PRKD3: variants seen among roughly 807,000 people sequenced by gnomAD.
PRKD3 encodes protein kinase D3, also known as serine/threonine-protein kinase D3.
Under a neutral mutation model 99.2 loss-of-function variants are expected in PRKD3, and 47 were observed. The observed-to-expected ratio is 0.47, with a 90% CI of 0.38 to 0.60. PRKD3 has a LOEUF of 0.60. PRKD3 is among the 20% of genes least tolerant of loss of function. The pLI is 0.00. For synonymous variants in PRKD3, 392 were observed against 355.4 expected, an observed-to-expected ratio of 1.10 and a Z score of -1.16; for missense variants, 1,019 against 1,088.4, an observed-to-expected ratio of 0.94 and a Z score of 0.90.
chr2:37,288,542 C>G (rs1670228731), intron 5 of PRKD3, among the ~76,000 whole-genome samples: 1 of 152,128 alleles, frequency 6.6e-6, no homozygotes. Context: ...AGATTACAAC[C>G]TACAGATGGA....
chr2:37,308,546 C>G (rs977666209), intron 2 of PRKD3, among the ~76,000 whole-genome samples: 1 of 150,338 alleles, frequency 6.7e-6, no homozygotes, highest in East Asian at 2.0e-4. Flanking sequence ...CCTCCCCACC[C>G]AGAGTTCAAG....
At chr2:37,320,423 CTTTTTTTTTTTTTTTT>C (rs35158902) in intron 1 of PRKD3, among the ~76,000 whole-genome samples, 1 of 78,126 alleles carries the variant, frequency 1.3e-5, no homozygotes, top group Non-Finnish European at 2.3e-5. Context: ...AAGTTAACGA[CTTTTTTTTTTTTTTTT>C]TTTTTTTTTT....
At chr2:37,254,350 G>A (rs1306312224) in intron 17 of PRKD3, 61 bp from the exon 18 acceptor site, 1 of 1,325,920 alleles carries the variant, frequency 7.5e-7, no homozygotes, top group East Asian at 2.3e-5. Flanking sequence ...CCAAACTTGT[G>A]ACTGCCTAGA....
At position 37,286,245 on chromosome 2, in the gene PRKD3, C is replaced by T. The variant is rs765635743; in HGVS notation, c.842G>A (p.Arg281His). Residue 281 changes from arginine to histidine, a missense_variant, in exon 6 of 19, where the codon CGT (arginine) becomes CAT (histidine). Coordinates refer to ENST00000234179, the MANE Select transcript of PRKD3 (RefSeq NM_005813.6). The part of the protein sequence containing the change: ...PHTFAVHSYT[R>H]PTICQYCKRL... ...CTTGCAGTACTGACATATCGTGGGA[C>T]GGGTGTAAGAGTGAACAGCAAATGT... The T allele has an allele frequency of 6.8e-6, 11 of 1,614,006 alleles. No individual in the cohort carries two copies. The highest frequency in any genetic ancestry group is 1.1e-5 in the South Asian group (1 of 91,088).
chr2:37,260,235 G>A lies in PRKD3; in HGVS notation c.2034C>T (p.Phe678=), dbSNP rs778005345. 1.2e-6 allele frequency: 2 copies of A among 1,607,456 alleles called. No homozygotes were observed. The highest frequency in any genetic ancestry group is 1.1e-5 in the South Asian group (1 of 90,440). The change falls in exon 15 of 19, where the codon TTC becomes TTT. Residue 678 remains phenylalanine, a synonymous_variant. Transcript: ENST00000234179. ...KSRLPERITK[F]MVTQILVALR... ...GGAGTTAAAATACCTGTGTGACCAT[G>A]AATTTAGTAATTCGTTCTGGAAGCC...
chr2:37,287,145 G>A (rs1207277141), intron 5 of PRKD3, among the ~76,000 whole-genome samples: 2 of 142,654 alleles, frequency 1.4e-5, no homozygotes, highest in Admixed American at 7.5e-5. Flanking sequence ...CAGAAGAATC[G>A]CTTGAACCCA....
In PRKD3 at chr2:37,250,877, A is replaced by T. The variant is rs1276988735; in HGVS notation, c.*2300T>A. On this transcript the variant is annotated 3_prime_UTR_variant, in exon 19 of 19. Coordinates refer to ENST00000234179, the MANE Select transcript of PRKD3 (RefSeq NM_005813.6). ...TTTACAAACACGACTTAAAGACAAA[A>T]AGTTATGCAGGTTATACAGTATCTG... 6.6e-6 allele frequency: 1 copy of T among 152,624 alleles called. No homozygotes were observed. Among genetic ancestry groups the T allele is most frequent in the Non-Finnish European group, 1.5e-5 (1 of 68,024 alleles). The allele number at this position is 152,624 out of a possible 1,614,324, so 9.5% of individuals were successfully genotyped here.
At chr2:37,318,660 T>C (rs1186262481) in intron 1 of PRKD3, among the ~76,000 whole-genome samples, 1 of 152,208 alleles carries the variant, frequency 6.6e-6, no homozygotes, top group Non-Finnish European at 1.5e-5. Flanking sequence ...CAGAAAGGCA[T>C]TGAGAACTGA....
At chr2:37,305,079 C>A (rs1671098105) in intron 2 of PRKD3, among the ~76,000 whole-genome samples, 1 of 151,882 alleles carries the variant, frequency 6.6e-6, no homozygotes, top group Non-Finnish European at 1.5e-5. Flanking sequence ...GCTGCTGCAA[C>A]ACAGCTGTAG....
At chr2:37,304,633 T>G (rs1440752181) in intron 2 of PRKD3, among the ~76,000 whole-genome samples, 6 of 151,628 alleles carry the variant, frequency 4.0e-5, no homozygotes, top group Non-Finnish European at 1.5e-5. Flanking sequence ...TCCCAGCTAC[T>G]TGGGAGGCTG....
At chr2:37,318,975 C>T (rs1282258621) in intron 1 of PRKD3, among the ~76,000 whole-genome samples, 3 of 152,110 alleles carry the variant, frequency 2.0e-5, no homozygotes, top group African/African-American at 7.2e-5. Flanking sequence ...TAGAAGTCAA[C>T]CACATTTACA....
chr2:37,311,523 A>C (rs1040788837), intron 2 of PRKD3, among the ~76,000 whole-genome samples: 8 of 152,178 alleles, frequency 5.3e-5, no homozygotes, highest in Non-Finnish European at 1.2e-4. Context: ...CAGGTGTAGG[A>C]TAATTGTATA....
chr2:37,311,726 T>C (rs942528030), intron 2 of PRKD3, among the ~76,000 whole-genome samples: 6 of 152,192 alleles, frequency 3.9e-5, no homozygotes, highest in Admixed American at 3.9e-4. Flanking sequence ...ATTTCAATAT[T>C]TGAAAAAATG....
chr2:37,324,225 G>A, intron 1 of PRKD3: 1 of 985,540 alleles, frequency 1.0e-6, no homozygotes, highest in Non-Finnish European at 1.2e-6. Flanking sequence ...AACGCAAAGT[G>A]AGGAAATGAA....
chr2:37,281,432 T>G lies in PRKD3; in HGVS notation c.988+1110A>C, dbSNP rs1669853086. Among the ~76,000 whole-genome samples, 4 of 152,294 alleles carry G rather than the reference T, an allele frequency of 2.6e-5. No individual in the cohort carries two copies. In the South Asian group the frequency reaches 8.3e-4, roughly 32 times the overall value. On this transcript the variant is annotated intron_variant, in intron 7 of 18. Transcript: ENST00000234179. ...GTTTGTTCCCCTTAAAAATCTTAAC[T>G]CCCAAGGCAAGGGTATTAGGTAGTG... is the stretch of plus-strand genomic sequence containing the variant.
Position 37,293,175 on chromosome 2 carries a change from C to G in PRKD3, c.385G>C (p.Asp129His). The change falls in exon 3 of 19, where the codon GAT becomes CAT. Residue 129 changes from aspartate (D) to histidine (H), a missense_variant. Physicochemically the swap from Asp to His is moderately conservative, Grantham distance 81 (BLOSUM62 -1). Coordinates refer to ENST00000234179, the MANE Select transcript of PRKD3 (RefSeq NM_005813.6). ...ACTAGGTCTCCTTCATGTATTTCAT[C>G]TGCTGAGGTAATCAGCTGCAAAATG... ...ENILQLITSA[D>H]EIHEGDLVEV... 1 of 1,603,748 alleles carries G rather than the reference C, an allele frequency of 6.2e-7. No individual in the cohort carries two copies. The highest frequency in any genetic ancestry group is 8.5e-7 in the Non-Finnish European group (1 of 1,171,680).
At position 37,279,886 on chromosome 2, in the gene PRKD3, A is replaced by G. The variant is rs756925173; in HGVS notation, c.1032T>C (p.Ile344=). 6.2e-7 allele frequency: 1 copy of G among 1,613,094 alleles called. No individual in the cohort carries two copies. Among genetic ancestry groups the G allele is most frequent in the Non-Finnish European group, 8.5e-7 (1 of 1,179,382 alleles). ...TATCACTATTTATGTCATTATTGTCAATATCCATTGGTATATCTGTATCTG... is the reference window on the plus strand; with the variant it reads ...TATCACTATTTATGTCATTATTGTCGATATCCATTGGTATATCTGTATCTG... ...LGTDTDIPMD[I]DNNDINSDSS... is the part of the protein sequence containing the mutation. The change falls in exon 8 of 19, where the codon ATT becomes ATC. Residue 344 remains isoleucine, a synonymous_variant. Transcript: ENST00000234179.
chr2:37,270,545 A>G (rs1029115563), intron 12 of PRKD3, among the ~76,000 whole-genome samples: 6 of 152,062 alleles, frequency 3.9e-5, no homozygotes, highest in African/African-American at 1.4e-4. Context: ...AACAGAACTA[A>G]TATACTAATT....
At chr2:37,310,255 T>C (rs1463978626) in intron 2 of PRKD3, among the ~76,000 whole-genome samples, 2 of 152,228 alleles carry the variant, frequency 1.3e-5, no homozygotes, top group African/African-American at 4.8e-5. Flanking sequence ...AGTTTTCTTT[T>C]GAGTTTGGAA....
Sources: allele counts gnomAD v4.1 joint callset (sites outside exome capture counted in the v4.1 genomes callset), GRCh38; gene constraint gnomAD v4.1.1; transcripts MANE v1.5; gene names NCBI Gene and HGNC (gene_info 2026-07-23, HGNC 2026-07-21).